GAP43: variants seen among roughly 807,000 people sequenced by gnomAD.
The protein encoded by GAP43 is growth associated protein 43, also known as neuromodulin.
In GAP43, 6 loss-of-function variants were observed where a neutral mutation model predicts 18.6. That is an observed-to-expected ratio of 0.32 (90% CI 0.18 to 0.64). The LOEUF (loss-of-function observed/expected upper bound fraction) is 0.64, where lower values mean the gene tolerates loss of function less well. GAP43 is among the 30% of genes least tolerant of loss of function. The probability of loss-of-function intolerance (pLI) is 0.78; values close to 1 mark genes in which losing one functional copy is unlikely to be tolerated. For synonymous variants in GAP43, 115 were observed against 111.4 expected, an observed-to-expected ratio of 1.03 and a Z score of -0.20; for missense variants, 292 against 295.5, an observed-to-expected ratio of 0.99 and a Z score of 0.09.
intron 1 of GAP43, among the ~76,000 whole-genome samples, chr3:115,662,632 A>G (rs1708678503): frequency 6.6e-6 from 1 of 152,196 alleles, no homozygotes; most frequent in African/African-American, 2.4e-5. Flanking sequence ...TCCTGGTAAG[A>G]GTGGTGACAT....
chr3:115,663,812 G>A lies in GAP43; in HGVS notation c.31-12201G>A, dbSNP rs574172422. On this transcript the variant is annotated intron_variant, in intron 1 of 2. Coordinates refer to ENST00000305124, the MANE Select transcript of GAP43 (RefSeq NM_002045.4). ...GTCCTGCTCTGAATTATGCCACCCCGCACTCCACTTTTTACCTTGCCTGGG... is the reference window on the plus strand; with the variant it reads ...GTCCTGCTCTGAATTATGCCACCCCACACTCCACTTTTTACCTTGCCTGGG... The A allele has an allele frequency of 1.5e-5, 23 of 1,551,746 alleles. No individual in the cohort carries two copies. In the South Asian group the frequency reaches 1.8e-4, roughly 12 times the overall value.
chr3:115,686,379 A>C (rs1709033082), intron 2 of GAP43, among the ~76,000 whole-genome samples: 1 of 152,206 alleles, frequency 6.6e-6, no homozygotes. Flanking sequence ...ACACTTGCTA[A>C]AGGTTAAGGA....
At chr3:115,704,688 A>G (rs1559806033) in intron 2 of GAP43, among the ~76,000 whole-genome samples, 1 of 152,096 alleles carries the variant, frequency 6.6e-6, no homozygotes, top group Non-Finnish European at 1.5e-5. Flanking sequence ...CAGTACATTT[A>G]GGACTCTGGG....
chr3:115,626,483 G>A (rs139923517), intron 1 of GAP43, among the ~76,000 whole-genome samples: 5 of 152,152 alleles, frequency 3.3e-5, no homozygotes, highest in African/African-American at 1.2e-4. Context: ...AATGAGAGTG[G>A]GGTAGAGATG....
In GAP43 at chr3:115,662,496, A is replaced by G. The variant is rs190752946; in HGVS notation, c.31-13517A>G. Among the ~76,000 whole-genome samples, 4 of 152,332 alleles carry G rather than the reference A, an allele frequency of 2.6e-5. No homozygotes were observed. In the East Asian group the frequency reaches 7.7e-4, roughly 29 times the overall value. On this transcript the variant is annotated intron_variant, in intron 1 of 2. Transcript: ENST00000305124. Reference sequence around the variant, plus strand: ...GAATTTTCTATGTAGTAACTGTCAAATTGCAAACCACAGAGAGAGTTGGCT... The same window carrying G: ...GAATTTTCTATGTAGTAACTGTCAAGTTGCAAACCACAGAGAGAGTTGGCT...
intron 1 of GAP43, among the ~76,000 whole-genome samples, chr3:115,653,543 G>T (rs1708546426): frequency 6.6e-6 from 1 of 152,148 alleles, no homozygotes; most frequent in Admixed American, 6.5e-5. Flanking sequence ...GTGTGGCGGG[G>T]TGAAATACCA....
chr3:115,687,090 C>T (rs1576994211), intron 2 of GAP43, among the ~76,000 whole-genome samples: 1 of 145,070 alleles, frequency 6.9e-6, no homozygotes, highest in Middle Eastern at 3.6e-3. Context: ...GTGGAGATGA[C>T]TGAAGATGTC....
intron 2 of GAP43, among the ~76,000 whole-genome samples, chr3:115,696,987 A>G (rs283386): frequency 0.15 from 21,969 of 151,052 alleles, 1,931 homozygotes; most frequent in African/African-American, 0.23. Context: ...CGCCCACCAC[A>G]CCCGGCTAAA....
chr3:115,706,446 T>C (rs1709364237), intron 2 of GAP43, among the ~76,000 whole-genome samples: 1 of 152,172 alleles, frequency 6.6e-6, no homozygotes, highest in Admixed American at 6.5e-5. Context: ...ATGGTAAACA[T>C]AGTTTTTCTA....
At chr3:115,664,667 C>G (rs1271213886) in intron 1 of GAP43, among the ~76,000 whole-genome samples, 1 of 151,992 alleles carries the variant, frequency 6.6e-6, no homozygotes, top group Non-Finnish European at 1.5e-5. Flanking sequence ...GAATCCAGTG[C>G]CAAAAATGAA....
At chr3:115,640,275 C>T (rs1424962794) in intron 1 of GAP43, among the ~76,000 whole-genome samples, 5 of 151,726 alleles carry the variant, frequency 3.3e-5, no homozygotes, top group Admixed American at 6.6e-5. Flanking sequence ...TTAATTATGT[C>T]GAAGGTGAAG....
At chr3:115,639,596 C>T (rs777167347) in intron 1 of GAP43, among the ~76,000 whole-genome samples, 5 of 152,044 alleles carry the variant, frequency 3.3e-5, no homozygotes, top group East Asian at 3.9e-4. Flanking sequence ...TGTACAATAA[C>T]GCTTAGTTGT....
intron 1 of GAP43, among the ~76,000 whole-genome samples, chr3:115,668,426 TTTTA>T (rs1226745093): frequency 6.6e-6 from 1 of 152,108 alleles, no homozygotes; most frequent in East Asian, 1.9e-4. Flanking sequence ...TTTTCACCAC[TTTTA>T]TTTATTTATT....
intron 1 of GAP43, among the ~76,000 whole-genome samples, chr3:115,672,367 C>T (rs972852567): frequency 2.0e-5 from 3 of 152,060 alleles, no homozygotes; most frequent in Non-Finnish European, 2.9e-5. Context: ...AGGGTCAAAG[C>T]GTTCTCAGAA....
intron 1 of GAP43, among the ~76,000 whole-genome samples, chr3:115,626,612 A>T (rs372322073): frequency 2.2e-4 from 34 of 152,324 alleles, no homozygotes; most frequent in African/African-American, 7.7e-4. Context: ...TGCCATGTGT[A>T]TTGCAGATGA....
At chr3:115,625,192 G>A (rs1708171079) in intron 1 of GAP43, among the ~76,000 whole-genome samples, 1 of 145,992 alleles carries the variant, frequency 6.8e-6, no homozygotes, top group African/African-American at 2.6e-5. Flanking sequence ...AGAGCAGTGG[G>A]AGTAGAGATT....
At chr3:115,660,110 G>C (rs1403797354) in intron 1 of GAP43, among the ~76,000 whole-genome samples, 2 of 152,176 alleles carry the variant, frequency 1.3e-5, no homozygotes, top group Non-Finnish European at 2.9e-5. Flanking sequence ...CTAAAGGATG[G>C]TGTCTGCTTT....
intron 2 of GAP43, among the ~76,000 whole-genome samples, chr3:115,697,456 A>G (rs1037706437): frequency 3.9e-5 from 6 of 152,192 alleles, no homozygotes. Context: ...CTCACATGTA[A>G]TGCCATCCTC....
At chr3:115,627,252 C>T (rs1042170743) in intron 1 of GAP43, among the ~76,000 whole-genome samples, 5 of 150,688 alleles carry the variant, frequency 3.3e-5, no homozygotes, top group Non-Finnish European at 7.4e-5. Flanking sequence ...CATGCCAGGG[C>T]GCATACACAA....
Sources: allele counts gnomAD v4.1 joint callset (sites outside exome capture counted in the v4.1 genomes callset), GRCh38; gene constraint gnomAD v4.1.1; transcripts MANE v1.5; gene names NCBI Gene and HGNC (gene_info 2026-07-23, HGNC 2026-07-21).